SMG6: variants seen among roughly 807,000 people sequenced by gnomAD.
The protein encoded by SMG6 is SMG6 nonsense mediated mRNA decay factor.
A neutral mutation model predicts 142.2 loss-of-function variants in SMG6; 66 were observed. The ratio of observed to expected loss-of-function variants is 0.46; its 90% CI spans 0.38 to 0.57. The LOEUF is 0.57. Among genes scored for constraint, SMG6 ranks in the 20% least tolerant of loss-of-function variants. SMG6 has a pLI of 0.00. For missense variants in SMG6, 1,793 were observed against 1,832.0 expected (o/e 0.98, Z 0.39); for synonymous variants, 779 against 702.4 (o/e 1.11, Z -1.72).
chr17:2,090,076 G>A (rs1237956272), intron 13 of SMG6, among the ~76,000 whole-genome samples: 5 of 151,378 alleles, frequency 3.3e-5, no homozygotes, highest in Non-Finnish European at 4.4e-5. Flanking sequence ...CCAGCTACTA[G>A]GGAGGCTGAG....
chr17:2,149,898 T>C (rs1407607040), intron 13 of SMG6, among the ~76,000 whole-genome samples: 14 of 152,200 alleles, frequency 9.2e-5, no homozygotes, highest in Non-Finnish European at 1.9e-4. Flanking sequence ...GTCCTGCTCA[T>C]GTTTTGTAAT....
intron 13 of SMG6, among the ~76,000 whole-genome samples, chr17:2,155,510 TATAATGAGGTTACATGACC>T (rs1163204989): frequency 3.9e-5 from 6 of 152,264 alleles, no homozygotes; most frequent in African/African-American, 1.4e-4. Flanking sequence ...GTATGCCTCT[TATAATGAGGTTACATGACC>T]ATAAGGAGCA....
chr17:2,113,312 G>C (rs568311716), intron 13 of SMG6, among the ~76,000 whole-genome samples: 1 of 152,112 alleles, frequency 6.6e-6, no homozygotes, highest in Admixed American at 6.5e-5. Context: ...CTGGGCTCAA[G>C]TGATCCACCC....
At chr17:2,145,339 A>G (rs2070631902) in intron 13 of SMG6, among the ~76,000 whole-genome samples, 2 of 149,536 alleles carry the variant, frequency 1.3e-5, no homozygotes, top group South Asian at 4.3e-4. Flanking sequence ...CTGGTCTTCA[A>G]CTCCTGAGCT....
Position 2,068,249 on chromosome 17 carries a change from C to T in SMG6, c.3835+529G>A, listed in dbSNP as rs1024841710. Among the ~76,000 whole-genome samples the T allele has an allele frequency of 6.6e-6, 1 of 152,234 alleles. No individual in the cohort carries two copies. The highest frequency in any genetic ancestry group is 2.4e-5 in the African/African-American group (1 of 41,468). ...GGCCCAAGTGGTAGGAATCCACAGG[C>T]ATGAGCCAAGGGCTTGCTCTGGAGG... On this transcript the variant is annotated intron_variant, in intron 16 of 18. Coordinates refer to ENST00000263073, the MANE Select transcript of SMG6 (RefSeq NM_017575.5). This position sits in a 1 kb window ranked among gnomAD's most constrained non-coding sequence, Gnocchi z 6.7.
chr17:2,108,987 T>G (rs1378001303), intron 13 of SMG6, among the ~76,000 whole-genome samples: 1 of 152,172 alleles, frequency 6.6e-6, no homozygotes, highest in African/African-American at 2.4e-5. Flanking sequence ...ACTAAAATCT[T>G]ATGAAATAAC....
chr17:2,061,184 G>GTCC lies in SMG6; in HGVS notation c.*307_*308insGGA. 3.3e-6 allele frequency: 1 copy of GTCC among 302,232 alleles called. No homozygotes were observed. The highest frequency in any genetic ancestry group is 3.9e-5 in the South Asian group (1 of 25,516). 18.7% of individuals were successfully genotyped at this position (302,232 alleles called of 1,614,324 possible). ...CCTCCCTCAGCCTTGGAATGAGACG[G>GTCC]GGGAGGGAGAAAGGCTGAGAGCATG... On this transcript the variant is annotated 3_prime_UTR_variant, in exon 19 of 19. Transcript: ENST00000263073.
At chr17:2,303,544 G>A in intron 1 of SMG6, 89 bp downstream of exon 1, 2 of 1,343,700 alleles carry the variant, frequency 1.5e-6, no homozygotes, top group South Asian at 1.8e-5. Flanking sequence ...GGGCTCCGGA[G>A]CCGAGGGCCG....
chr17:2,186,879 CGAGT>C (rs2072006104), intron 11 of SMG6, 48 bp from the exon 12 acceptor site: 20 of 1,591,328 alleles, frequency 1.3e-5, no homozygotes, highest in Non-Finnish European at 1.7e-5. Flanking sequence ...CTGTAGCCCC[CGAGT>C]GAGGCCTGGG....
intron 8 of SMG6, among the ~76,000 whole-genome samples, chr17:2,253,119 T>TTTTATTTTATTTATTTATTTATTTA (rs1555565844): frequency 6.1e-5 from 8 of 130,684 alleles, no homozygotes; most frequent in Admixed American, 5.5e-4. Flanking sequence ...AAATATTTTA[T>TTTTATTTTATTTATTTATTTATTTA]TTTATTTATT....
rs2073828668 is a variant in SMG6 at position 2,242,443 on chromosome 17, T to C, written c.2723+2215A>G. Reference sequence around the variant, plus strand: ...TACTCGGGAGGCTGAGGCAGAAGAATGGCATGAACCCGGGAGGCGGAGCTT... The same window carrying C: ...TACTCGGGAGGCTGAGGCAGAAGAACGGCATGAACCCGGGAGGCGGAGCTT... On this transcript the variant is annotated intron_variant, in intron 9 of 18. Transcript: ENST00000263073. Among the ~76,000 whole-genome samples, 3 of 146,432 alleles carry C rather than the reference T, an allele frequency of 2.0e-5. No individual in the cohort carries two copies. The South Asian group carries it at 6.3e-4, about 31-fold the overall frequency.
intron 13 of SMG6, among the ~76,000 whole-genome samples, chr17:2,161,533 T>G (rs947874448): frequency 3.3e-5 from 5 of 152,044 alleles, no homozygotes; most frequent in African/African-American, 9.7e-5. Context: ...TAATTACTGT[T>G]CATCTATAAG....
chr17:2,066,702 A>G (rs1256731439), intron 16 of SMG6, among the ~76,000 whole-genome samples: 4 of 78,588 alleles, frequency 5.1e-5, no homozygotes, highest in Non-Finnish European at 1.2e-4. Flanking sequence ...CACAATGCCC[A>G]TGCTTTCGGC....
chr17:2,087,295 T>C, intron 13 of SMG6: 2 of 1,263,630 alleles, frequency 1.6e-6, no homozygotes, highest in Non-Finnish European at 2.0e-6. Flanking sequence ...ATGACCCATG[T>C]TCTCTAAGAC....
chr17:2,208,827 A>G (rs1362131060), intron 10 of SMG6, among the ~76,000 whole-genome samples: 1 of 152,254 alleles, frequency 6.6e-6, no homozygotes, highest in Non-Finnish European at 1.5e-5. Flanking sequence ...GGTTGCAAAC[A>G]TGAATATAAA....
chr17:2,234,237 C>CT lies in SMG6; in HGVS notation c.2869+2254dup, dbSNP rs369089980. Among the ~76,000 whole-genome samples, 723 of 148,844 alleles carry CT rather than the reference C, an allele frequency of 4.9e-3. 20 individuals are homozygous for CT. Among genetic ancestry groups the CT allele is most frequent in the East Asian group, 0.039 (198 of 5,102 alleles). ...CTTACCTTCCTTTTACCTGTATTTT[C>CT]TTTTTTTTTTACTTTTAATTCTTAA... On this transcript the variant is annotated intron_variant, in intron 10 of 18. Coordinates refer to ENST00000263073, the MANE Select transcript of SMG6 (RefSeq NM_017575.5).
intron 13 of SMG6, among the ~76,000 whole-genome samples, chr17:2,141,809 AG>A (rs1398531088): frequency 6.6e-6 from 1 of 152,200 alleles, no homozygotes; most frequent in Non-Finnish European, 1.5e-5. Flanking sequence ...TCTGGAGCAG[AG>A]GCCATTGAGA....
At chr17:2,194,310 G>C (rs1397986589) in intron 10 of SMG6, among the ~76,000 whole-genome samples, 2 of 152,170 alleles carry the variant, frequency 1.3e-5, no homozygotes, top group Non-Finnish European at 2.9e-5. Flanking sequence ...GAAGCAATGA[G>C]TGAATATTTT....
rs2068577571 is a variant in SMG6, at chr17:2,086,928, G to A, written c.3358-1027C>T. ...AGGCCATTCCACATGGGAAACACAC[G>A]TCCGTGGCCAGACGTGCCACAGGGG... On this transcript the variant is annotated intron_variant, in intron 13 of 18. Coordinates refer to ENST00000263073, the MANE Select transcript of SMG6 (RefSeq NM_017575.5). The A allele has an allele frequency of 7.2e-6, 8 of 1,115,224 alleles. No individual in the cohort carries two copies. In the Admixed American group the frequency reaches 8.3e-5, roughly 12 times the overall value. The allele number at this position is 1,115,224 out of a possible 1,614,324, so 69.1% of individuals were successfully genotyped here. A position where few individuals can be genotyped will look rare whatever the true frequency, so the allele number is the denominator to read the frequency against.
Sources: gnomAD v4.1 joint callset for allele counts (sites outside exome capture counted in the v4.1 genomes callset) on GRCh38, gnomAD v4.1.1 for gene constraint, Gnocchi (gnomAD v3.1) non-coding constraint, MANE v1.5 for transcripts, NCBI Gene and HGNC (gene_info 2026-07-23, HGNC 2026-07-21) for gene names.